PROSER2: variants seen among roughly 807,000 people sequenced by gnomAD.
PROSER2 encodes the protein proline and serine-rich protein 2.
PROSER2 carries 18 observed loss-of-function variants against 14.6 expected under a neutral mutation model. The observed-to-expected ratio is 1.23, with a 90% CI of 0.85 to 1.83. The LOEUF is 1.83. Ranked by LOEUF, PROSER2 falls within the 40% of genes most tolerant of loss-of-function variation. The probability of loss-of-function intolerance (pLI) is 0.00; values close to 1 mark genes in which losing one functional copy is unlikely to be tolerated. For missense variants in PROSER2, 823 were observed against 629.8 expected, an observed-to-expected ratio of 1.31 and a Z score of -3.28; for synonymous variants, 367 against 286.4, an observed-to-expected ratio of 1.28 and a Z score of -2.84.
chr10:11,864,398 T>A (rs972569448), intron 2 of PROSER2, among the ~76,000 whole-genome samples: 2 of 152,188 alleles, frequency 1.3e-5, no homozygotes, highest in East Asian at 3.8e-4. Flanking sequence ...CACCAATTTT[T>A]AAATTTTTTC....
In PROSER2 at chr10:11,866,794, A is replaced by C; in HGVS notation, c.391+11A>C. The C allele has an allele frequency of 6.2e-7, 1 of 1,606,114 alleles. No homozygotes were observed. On this transcript the variant is annotated intron_variant, in intron 3 of 3. Transcript: ENST00000277570. This position sits in a 1 kb window ranked among gnomAD's most constrained non-coding sequence, Gnocchi z 6.0. ...GGACCCAGGCAGCAGGTGAGGGGGAAGACAGGCCATCCCTGGGATGTGGTT... is the reference window on the plus strand; with the variant it reads ...GGACCCAGGCAGCAGGTGAGGGGGACGACAGGCCATCCCTGGGATGTGGTT...
chr10:11,829,547 A>G lies in PROSER2; in HGVS notation c.-82+6077A>G, dbSNP rs544729167. Among the ~76,000 whole-genome samples, 7 of 152,046 alleles carry G rather than the reference A, an allele frequency of 4.6e-5. No homozygotes were observed. In the East Asian group the frequency reaches 1.4e-3, roughly 30 times the overall value. ...CAGTGAGCTGTGATTGTGCCACTGC[A>G]TTCTAGCCTGTAAGACAGAGCGAGA... is the stretch of plus-strand genomic sequence containing the variant. On this transcript the variant is annotated intron_variant, in intron 1 of 3. Coordinates refer to ENST00000277570, the MANE Select transcript of PROSER2 (RefSeq NM_153256.4).
At chr10:11,851,926 GT>G in intron 1 of PROSER2, 70 bp from the exon 2 acceptor site, 16 of 716,320 alleles carry the variant, frequency 2.2e-5, no homozygotes, top group Non-Finnish European at 3.2e-5. Flanking sequence ...TCTAAGCCAT[GT>G]TTTTGAGGGA....
intron 2 of PROSER2, among the ~76,000 whole-genome samples, chr10:11,863,335 A>G (rs1475906580): frequency 6.6e-6 from 1 of 152,178 alleles, no homozygotes; most frequent in Non-Finnish European, 1.5e-5. Flanking sequence ...GGAAAGCATC[A>G]GACTACACCA....
chr10:11,828,583 A>G (rs1040633239), intron 1 of PROSER2, among the ~76,000 whole-genome samples: 2 of 152,062 alleles, frequency 1.3e-5, no homozygotes, highest in African/African-American at 4.8e-5. Context: ...TGTGCCTGTA[A>G]TCCCAGCTAC....
intron 3 of PROSER2, among the ~76,000 whole-genome samples, chr10:11,868,813 G>A (rs1225704579): frequency 1.3e-5 from 2 of 152,114 alleles, no homozygotes; most frequent in African/African-American, 2.4e-5. Context: ...ACCACGCCCA[G>A]CTAATTGTTG....
chr10:11,854,824 G>A (rs1478794818), intron 2 of PROSER2, among the ~76,000 whole-genome samples: 6 of 152,076 alleles, frequency 3.9e-5, no homozygotes, highest in Non-Finnish European at 4.4e-5. Context: ...GCAATACAGC[G>A]TCTCTAAACG....
intron 1 of PROSER2, among the ~76,000 whole-genome samples, chr10:11,827,675 G>A (rs1463920359): frequency 7.1e-6 from 1 of 141,802 alleles, no homozygotes; most frequent in Non-Finnish European, 1.5e-5. Context: ...ATACAAACAT[G>A]GAAGTCCTTT....
Position 11,827,372 on chromosome 10 carries a change from A to G in PROSER2, c.-82+3902A>G, listed in dbSNP as rs150872727. 6.0e-3 allele frequency among the ~76,000 whole-genome samples: 910 copies of G among 152,180 alleles called. 9 individuals carry two copies. Among genetic ancestry groups the G allele is most frequent in the African/African-American group, 0.02 (822 of 41,502 alleles). On this transcript the variant is annotated intron_variant, in intron 1 of 3. Transcript: ENST00000277570. ...ATTCTCTTTTTGTGTTAGCTTTCGT[A>G]TCATGAAATTTTGCATGTGACTAAG... is the stretch of plus-strand genomic sequence containing the variant.
rs1005151791 is a variant in PROSER2 at position 11,872,003 on chromosome 10, A to G, written c.*1597A>G. 1.2e-4 allele frequency: 19 copies of G among 152,248 alleles called. No individual in the cohort carries two copies. The highest frequency in any genetic ancestry group is 4.3e-4 in the African/African-American group (18 of 41,464). The allele number at this position is 152,248 out of a possible 1,614,324, so 9.4% of individuals were successfully genotyped here. A position where few individuals can be genotyped will look rare whatever the true frequency, so the allele number is the denominator to read the frequency against. Reference sequence around the variant, plus strand: ...GTGCTTTAATTTTACAGCTTTCAAAAGTAGTTACTGTAAATTTTACTCCTG... The same window carrying G: ...GTGCTTTAATTTTACAGCTTTCAAAGGTAGTTACTGTAAATTTTACTCCTG... On this transcript the variant is annotated 3_prime_UTR_variant, in exon 4 of 4. Coordinates refer to ENST00000277570, the MANE Select transcript of PROSER2 (RefSeq NM_153256.4).
In PROSER2 at chr10:11,869,274, G is replaced by A. The variant is rs532602040; in HGVS notation, c.392-216G>A. 7 of 594,932 alleles carry A rather than the reference G, an allele frequency of 1.2e-5. No homozygotes were observed. The highest frequency in any genetic ancestry group is 7.5e-5 in the African/African-American group (4 of 53,610). 36.9% of individuals were successfully genotyped at this position (594,932 alleles called of 1,614,324 possible). A position where few individuals can be genotyped will look rare whatever the true frequency, so the allele number is the denominator to read the frequency against. On this transcript the variant is annotated intron_variant, in intron 3 of 3. Coordinates refer to ENST00000277570, the MANE Select transcript of PROSER2 (RefSeq NM_153256.4). This position sits in a 1 kb window ranked among gnomAD's most constrained non-coding sequence, Gnocchi z 4.4. ...GGACTGTCTGACTTGCAGGGCTATCGTGATTGTCCCTTATCAGCGTGAGGT... is the reference window on the plus strand; with the variant it reads ...GGACTGTCTGACTTGCAGGGCTATCATGATTGTCCCTTATCAGCGTGAGGT...
chr10:11,842,473 A>G (rs768632241), intron 1 of PROSER2, among the ~76,000 whole-genome samples: 4 of 151,676 alleles, frequency 2.6e-5, no homozygotes, highest in African/African-American at 9.7e-5. Flanking sequence ...TTTAACATGA[A>G]TGCTTATACA....
intron 2 of PROSER2, among the ~76,000 whole-genome samples, chr10:11,857,743 T>TAAAAAA (rs374000135): frequency 2.8e-5 from 3 of 106,550 alleles, no homozygotes; most frequent in Admixed American, 1.1e-4. Flanking sequence ...AGACCCCATC[T>TAAAAAA]AAAAAAAAAA....
At chr10:11,851,083 G>T (rs945166652) in intron 1 of PROSER2, 1 of 152,410 alleles carries the variant, frequency 6.6e-6, no homozygotes, top group Non-Finnish European at 1.5e-5. Context: ...GGGTGTGGTA[G>T]TGCAAGCCTG....
At chr10:11,860,405 A>T (rs1834213146) in intron 2 of PROSER2, among the ~76,000 whole-genome samples, 1 of 152,038 alleles carries the variant, frequency 6.6e-6, no homozygotes, top group African/African-American at 2.4e-5. Context: ...TCACGAGGTC[A>T]GGAGTTCGAG....
chr10:11,858,845 C>T (rs2131081023), intron 2 of PROSER2, among the ~76,000 whole-genome samples: 1 of 151,160 alleles, frequency 6.6e-6, no homozygotes, highest in African/African-American at 2.4e-5. Context: ...CCCATCTCTA[C>T]TAAAAATAAA....
intron 1 of PROSER2, among the ~76,000 whole-genome samples, chr10:11,840,472 T>C (rs1421848260): frequency 6.6e-6 from 1 of 152,184 alleles, no homozygotes; most frequent in Admixed American, 6.5e-5. Flanking sequence ...CTTACAATCT[T>C]GGGATTAACT....
chr10:11,854,807 T>C (rs557144623), intron 2 of PROSER2, among the ~76,000 whole-genome samples: 2 of 152,306 alleles, frequency 1.3e-5, no homozygotes, highest in Non-Finnish European at 1.5e-5. Context: ...AGCCAGTCCC[T>C]ATCACAGCAA....
intron 1 of PROSER2, chr10:11,850,536 C>T (rs1834001120): frequency 6.6e-6 from 1 of 152,306 alleles, no homozygotes; most frequent in African/African-American, 2.4e-5. Context: ...CACAACCCAC[C>T]AGCTCTCCTA....
Sources: gnomAD v4.1 joint callset for allele counts (sites outside exome capture counted in the v4.1 genomes callset) on GRCh38, gnomAD v4.1.1 for gene constraint, Gnocchi (gnomAD v3.1) non-coding constraint, MANE v1.5 for transcripts, NCBI Gene and HGNC (gene_info 2026-07-23, HGNC 2026-07-21) for gene names.